FNDC1: variants seen among roughly 807,000 people sequenced by gnomAD.
The protein encoded by FNDC1 is fibronectin type III domain-containing protein 1.
In FNDC1, 96 loss-of-function variants were observed where a neutral mutation model predicts 168.0. The observed-to-expected ratio is 0.57, with a 90% CI of 0.48 to 0.68. The LOEUF (loss-of-function observed/expected upper bound fraction) is 0.68. Among genes scored for constraint, FNDC1 ranks in the 30% least tolerant of loss-of-function variants. The probability of loss-of-function intolerance (pLI) is 0.00; values close to 1 mark genes in which losing one functional copy is unlikely to be tolerated. For missense variants in FNDC1, 2,587 were observed against 2,482.1 expected (o/e 1.04, Z -0.90); for synonymous variants, 1,099 against 1,025.9 (o/e 1.07, Z -1.36).
Position 159,223,638 on chromosome 6 carries a change from G to T in FNDC1, c.877G>T (p.Ala293Ser), listed in dbSNP as rs1373404538. The change falls in exon 7 of 23, where the codon GCA (alanine) becomes TCA (serine). Residue 293 changes from alanine to serine, a missense_variant. Transcript: ENST00000297267. ...TCTGGAAAAACAGAAGAAAGTTGTT[G>T]CATCAAGGTACTTTTGCTTATTTAT... Reference protein sequence around the residue: ...PVLEKQKKVVASRQYTVRYRE... With the variant: ...PVLEKQKKVVSSRQYTVRYRE... 1 of 1,604,778 alleles carries T rather than the reference G, an allele frequency of 6.2e-7. No individual in the cohort carries two copies. Among genetic ancestry groups the T allele is most frequent in the South Asian group, 1.1e-5 (1 of 90,516 alleles).
intron 4 of FNDC1, among the ~76,000 whole-genome samples, chr6:159,213,552 C>T (rs542673704): frequency 6.6e-6 from 1 of 152,274 alleles, no homozygotes; most frequent in Non-Finnish European, 1.5e-5. Flanking sequence ...AGACACACGG[C>T]TGGGAAGGTC....
At chr6:159,251,152 G>A (rs754693612) in intron 16 of FNDC1, 150 bp from the exon 17 acceptor site, 52 of 618,918 alleles carry the variant, frequency 8.4e-5, no homozygotes, top group Non-Finnish European at 1.2e-4. Context: ...AGCTGGGGGT[G>A]TGTTTCTGAG....
chr6:159,265,944 A>C, intron 20 of FNDC1, 140 bp from the exon 21 acceptor site: 3 of 890,772 alleles, frequency 3.4e-6, no homozygotes. Context: ...ACAAACAAAC[A>C]ACAACACAAA....
At chr6:159,217,091 C>T (rs1214026584) in intron 5 of FNDC1, among the ~76,000 whole-genome samples, 2 of 152,208 alleles carry the variant, frequency 1.3e-5, no homozygotes, top group African/African-American at 4.8e-5. Context: ...AGCCTGGCAC[C>T]CATTGCGTGG....
Position 159,271,400 on chromosome 6 carries a change from G to A in FNDC1, c.5643G>A (p.Val1881=). 1 of 1,612,332 alleles carries A rather than the reference G, an allele frequency of 6.2e-7. No homozygotes were observed. Among genetic ancestry groups the A allele is most frequent in the Non-Finnish European group, 8.5e-7 (1 of 1,179,304 alleles). ...GCTTCGGAACCCCCTACTACTATGT[G>A]GGCTGGTACGAGTGTGGGGTCTCCA... is the stretch of plus-strand genomic sequence containing the variant. The part of the protein sequence containing the change: ...NIGFGTPYYY[V]GWYECGVSIP... Residue 1881 remains valine (V), a synonymous_variant, in exon 23 of 23, where the codon GTG becomes GTA. Transcript: ENST00000297267.
chr6:159,226,703 A>C, intron 9 of FNDC1, 123 bp downstream of exon 9: 1 of 647,630 alleles, frequency 1.5e-6, no homozygotes, highest in Non-Finnish European at 2.5e-6. Flanking sequence ...TGCTCACCCA[A>C]GGGACGAGGA....
chr6:159,228,182 C>T (rs965925838), intron 9 of FNDC1, among the ~76,000 whole-genome samples: 3 of 152,176 alleles, frequency 2.0e-5, no homozygotes, highest in Non-Finnish European at 2.9e-5. Context: ...AAAGAAGTTC[C>T]ATGGTAGTCA....
intron 1 of FNDC1, among the ~76,000 whole-genome samples, chr6:159,196,436 A>G (rs1451183145): frequency 6.6e-6 from 1 of 152,216 alleles, no homozygotes; most frequent in African/African-American, 2.4e-5. Context: ...TTCTGTTCAG[A>G]ATTTTCATCC....
chr6:159,233,635 C>T lies in FNDC1; in HGVS notation c.3123C>T (p.Pro1041=). 1 of 1,557,332 alleles carries T rather than the reference C, an allele frequency of 6.4e-7. No individual in the cohort carries two copies. The stretch of plus-strand genomic sequence containing the variant: ...TCTCACTGACCCAGGCCGGGCGGCC[C>T]CGCCCCACGTCGCAGGGCCGCTCCC... The part of the protein sequence containing the change: ...PRLSLTQAGR[P]RPTSQGRSHS... Residue 1041 remains proline (P), a synonymous_variant, in exon 11 of 23, where the codon CCC becomes CCT. Transcript: ENST00000297267. This position sits in a 1 kb window ranked among gnomAD's most constrained non-coding sequence, Gnocchi z 4.6.
At chr6:159,218,244 G>A (rs1225525975) in intron 5 of FNDC1, 1 of 152,212 alleles carries the variant, frequency 6.6e-6, no homozygotes, top group Non-Finnish European at 1.5e-5. Context: ...GTGGAAGGAT[G>A]TTTTTTGCTG....
chr6:159,230,343 T>C (rs548665477), intron 10 of FNDC1, among the ~76,000 whole-genome samples: 1 of 152,220 alleles, frequency 6.6e-6, no homozygotes, highest in Non-Finnish European at 1.5e-5. Flanking sequence ...GTCAGCTCTC[T>C]TCAATTTCTA....
At chr6:159,269,486 CTAT>C (rs1318991858) in intron 22 of FNDC1, among the ~76,000 whole-genome samples, 2,148 of 142,348 alleles carry the variant, frequency 0.015, 40 homozygotes, top group African/African-American at 0.038. Flanking sequence ...ATCTATCTAT[CTAT>C]CTATCTATCT....
At chr6:159,203,702 T>C (rs1782423421) in intron 4 of FNDC1, among the ~76,000 whole-genome samples, 1 of 152,176 alleles carries the variant, frequency 6.6e-6, no homozygotes, top group Non-Finnish European at 1.5e-5. Flanking sequence ...GGAATACTGT[T>C]ATGGAGCTTT....
At chr6:159,200,657 C>A in intron 4 of FNDC1, 76 bp downstream of exon 4, 1 of 1,164,464 alleles carries the variant, frequency 8.6e-7, no homozygotes, top group Non-Finnish European at 1.2e-6. Flanking sequence ...GCTTCCGTCA[C>A]ACACATGTGC....
chr6:159,190,993 A>G (rs1233028242), intron 1 of FNDC1, among the ~76,000 whole-genome samples: 2 of 152,216 alleles, frequency 1.3e-5, no homozygotes, highest in Non-Finnish European at 2.9e-5. Flanking sequence ...CAGGCTGTAC[A>G]GGAAGCAAGG....
At chr6:159,181,812 G>A (rs1019063513) in intron 1 of FNDC1, among the ~76,000 whole-genome samples, 5 of 152,168 alleles carry the variant, frequency 3.3e-5, no homozygotes, top group Admixed American at 3.3e-4. Context: ...GAGACTTCCA[G>A]GTCATGAGAT....
chr6:159,226,395 C>T lies in FNDC1; in HGVS notation c.1073-78C>T, dbSNP rs1250677056. On this transcript the variant is annotated intron_variant, in intron 8 of 22. Transcript: ENST00000297267. Reference sequence around the variant, plus strand: ...GGTCTTCAATTTAAAAAAATGTGTACCTAGAGACCATGTGCTATTTACATC... The same window carrying T: ...GGTCTTCAATTTAAAAAAATGTGTATCTAGAGACCATGTGCTATTTACATC... 5 of 1,113,306 alleles carry T rather than the reference C, an allele frequency of 4.5e-6. No individual in the cohort carries two copies. The Admixed American group carries it at 1.2e-4, about 26-fold the overall frequency. The allele number at this position is 1,113,306 out of a possible 1,614,324, so 69.0% of individuals were successfully genotyped here. A position where few individuals can be genotyped will look rare whatever the true frequency, so the allele number is the denominator to read the frequency against.
At position 159,246,910 on chromosome 6, in the gene FNDC1, C is replaced by T. The variant is rs780645380; in HGVS notation, c.4631C>T (p.Ser1544Leu). The change falls in exon 15 of 23, where the codon TCA becomes TTA. Residue 1544 changes from serine to leucine, a missense_variant. Transcript: ENST00000297267. Reference protein sequence around the residue: ...PECYAEEDEFSGLETDTAVPT... With the variant: ...PECYAEEDEFLGLETDTAVPT... ...TCTCTGTCCTCACTAGATGAGTTCT[C>T]AGGCTTGGAGACTGACACTGCAGTA... 6.2e-7 allele frequency: 1 copy of T among 1,612,080 alleles called. No individual in the cohort carries two copies. The highest frequency in any genetic ancestry group is 1.7e-5 in the Admixed American group (1 of 60,010).
At position 159,249,073 on chromosome 6, in the gene FNDC1, C is replaced by A. The variant is rs765767771; in HGVS notation, c.4725C>A (p.Thr1575=). The change falls in exon 16 of 23, where the codon ACC becomes ACA. Residue 1575 remains threonine, a synonymous_variant. Coordinates refer to ENST00000297267, the MANE Select transcript of FNDC1 (RefSeq NM_032532.3). ...TTGAGACGTCAAGGCCACCAACCACCACTGAGCCTTCGACCACTGCTACCA... is the reference window on the plus strand; with the variant it reads ...TTGAGACGTCAAGGCCACCAACCACAACTGAGCCTTCGACCACTGCTACCA... The part of the protein sequence containing the change: ...YEFETSRPPT[T]TEPSTTATTP... 1.2e-6 allele frequency: 2 copies of A among 1,603,956 alleles called. No individual in the cohort carries two copies. Among genetic ancestry groups the A allele is most frequent in the South Asian group, 1.1e-5 (1 of 88,762 alleles).
Sources: gnomAD v4.1 joint callset for allele counts (sites outside exome capture counted in the v4.1 genomes callset) on GRCh38, gnomAD v4.1.1 for gene constraint, Gnocchi (gnomAD v3.1) non-coding constraint, MANE v1.5 for transcripts, NCBI Gene and HGNC (gene_info 2026-07-23, HGNC 2026-07-21) for gene names.